Variants in RSF1 observed in about 807,000 individuals in gnomAD.
RSF1 encodes the protein HBV pX-associated protein 8.
In RSF1, 13 loss-of-function variants were observed where a neutral mutation model predicts 145.2. The observed-to-expected ratio is 0.09, with a 90% confidence interval of 0.06 to 0.14. The LOEUF is 0.14. Among genes scored for constraint, RSF1 ranks in the 10% least tolerant of loss-of-function variants. The pLI is 1.00. For missense variants in RSF1, 1,517 were observed against 1,718.2 expected (o/e 0.88, Z 2.07); for synonymous variants, 577 against 592.6 (o/e 0.97, Z 0.38).
At chr11:77,854,983 C>T in the RSF1 span, among the ~76,000 whole-genome samples, 1 of 152,226 alleles carries the variant, frequency 6.6e-6, no homozygotes, top group Admixed American at 6.5e-5. Flanking sequence ...ACTGGCTTAA[C>T]ACCTCATGGA....
intron 6 of RSF1, among the ~76,000 whole-genome samples, chr11:77,700,259 G>C (rs928409690): frequency 2.2e-5 from 3 of 138,146 alleles, no homozygotes; most frequent in South Asian, 2.3e-4. Flanking sequence ...ACTGAGGCAA[G>C]AGAATCGCTT....
chr11:77,738,124 G>A (rs1405879621), intron 4 of RSF1, among the ~76,000 whole-genome samples: 2 of 152,056 alleles, frequency 1.3e-5, no homozygotes, highest in African/African-American at 4.8e-5. Context: ...GTGAGACTCC[G>A]TCTCTAAAAA....
At chr11:77,839,714 C>G in the RSF1 span, among the ~76,000 whole-genome samples, 9 of 152,106 alleles carry the variant, frequency 5.9e-5, no homozygotes, top group Non-Finnish European at 7.4e-5. Flanking sequence ...CAGACTAACA[C>G]AGGAACAGAA....
chr11:77,746,558 A>G (rs1352559560), intron 3 of RSF1, among the ~76,000 whole-genome samples: 1 of 152,182 alleles, frequency 6.6e-6, no homozygotes, highest in African/African-American at 2.4e-5. Context: ...TAGGGCCAAC[A>G]GTAGGAAGTG....
the RSF1 span, chr11:77,869,320 T>TTTC: frequency 1.2e-5 from 2 of 165,732 alleles, no homozygotes; most frequent in African/African-American, 5.0e-5. Flanking sequence ...TTCTTTTTTT[T>TTTC]TTTTTTTTTT....
chr11:77,762,461 T>C (rs1948185844), intron 2 of RSF1: 1 of 152,224 alleles, frequency 6.6e-6, no homozygotes, highest in Non-Finnish European at 1.5e-5. Context: ...ATTGCTCAGT[T>C]GGATTATCAC....
intron 1 of RSF1, among the ~76,000 whole-genome samples, chr11:77,817,930 G>A (rs1206179827): frequency 6.6e-6 from 1 of 152,166 alleles, no homozygotes; most frequent in Admixed American, 6.5e-5. Flanking sequence ...CTTTGATGAT[G>A]ATATCATGGT....
intron 1 of RSF1, among the ~76,000 whole-genome samples, chr11:77,803,079 A>G (rs1948642246): frequency 6.6e-6 from 1 of 152,186 alleles, no homozygotes; most frequent in African/African-American, 2.4e-5. Context: ...ACCTATTGTG[A>G]GATTAGAGGG....
In RSF1 at chr11:77,667,183, C is replaced by T. The variant is rs902371487; in HGVS notation, c.4060G>A (p.Val1354Ile). Reference protein sequence around the residue: ...ESDEEEDFENVGKVGSPLDYS... With the variant: ...ESDEEEDFENIGKVGSPLDYS... ...TCCAATGGGCTCCCCACTTTGCCTA[C>T]ATTTTCAAAGTCCTCTTCCTCATCA... Residue 1354 changes from valine (V) to isoleucine (I), a missense_variant, in exon 16 of 16, where the codon GTA (valine) becomes ATA (isoleucine). This residue lies in a region of RSF1 where 240 missense variants were observed against 231.8 expected (regional missense o/e 1.04). Transcript: ENST00000308488. 6.2e-7 allele frequency: 1 copy of T among 1,614,218 alleles called. No homozygotes were observed. The highest frequency in any genetic ancestry group is 8.5e-7 in the Non-Finnish European group (1 of 1,180,034).
chr11:77,754,831 T>C lies in RSF1; in HGVS notation c.280-7703A>G, dbSNP rs562094906. Among the ~76,000 whole-genome samples the C allele has an allele frequency of 2.6e-4, 39 of 152,040 alleles. 1 individual carries two copies. The highest frequency in any genetic ancestry group is 2.5e-3 in the South Asian group (12 of 4,820). On this transcript the variant is annotated intron_variant, in intron 2 of 15. Transcript: ENST00000308488. The stretch of plus-strand genomic sequence containing the variant: ...TCATGTGTGTAGTCCCAGCCTGGTA[T>C]AGCGGTACACATCTATAATCCTAGC...
Position 77,698,539 on chromosome 11 carries a change from G to A in RSF1, c.2663C>T (p.Ala888Val), listed in dbSNP as rs1486468987. 6.2e-7 allele frequency: 1 copy of A among 1,614,098 alleles called. No individual in the cohort carries two copies. The highest frequency in any genetic ancestry group is 8.5e-7 in the Non-Finnish European group (1 of 1,179,992). The change falls in exon 7 of 16, where the codon GCA becomes GTA. Residue 888 changes from alanine to valine, a missense_variant. Physicochemically the swap from Ala to Val is moderately conservative, Grantham distance 64. This residue lies in a region of RSF1 where 24 missense variants were observed against 32.1 expected (regional missense o/e 0.75). Transcript: ENST00000308488. Reference sequence around the variant, plus strand: ...TTTTTTGCATGGTTCATCATCATCTGCTAGGATGGCTTCTTCACTTTCCTT... The same window carrying A: ...TTTTTTGCATGGTTCATCATCATCTACTAGGATGGCTTCTTCACTTTCCTT... ...EEKESEEAIL[A>V]DDDEPCKKCG...
At chr11:77,777,920 CATT>C (rs1262869415) in intron 1 of RSF1, among the ~76,000 whole-genome samples, 2 of 150,258 alleles carry the variant, frequency 1.3e-5, no homozygotes, top group Non-Finnish European at 3.0e-5. Context: ...AAAGAAGCAT[CATT>C]ATCTCAATAC....
At chr11:77,779,363 G>A (rs1948380006) in intron 1 of RSF1, among the ~76,000 whole-genome samples, 1 of 151,010 alleles carries the variant, frequency 6.6e-6, no homozygotes, top group African/African-American at 2.4e-5. Flanking sequence ...ACACCACTAT[G>A]CCTTGCTATT....
At chr11:77,871,668 A>T in the RSF1 span, among the ~76,000 whole-genome samples, 1 of 152,234 alleles carries the variant, frequency 6.6e-6, no homozygotes, top group African/African-American at 2.4e-5. Context: ...GGGAGACTTT[A>T]AAGAGCTAGC....
At chr11:77,732,485 G>A (rs565891349) in intron 4 of RSF1, among the ~76,000 whole-genome samples, 1 of 152,266 alleles carries the variant, frequency 6.6e-6, no homozygotes, top group East Asian at 1.9e-4. Context: ...AGATTTAGGA[G>A]GGGCCGGGGC....
intron 1 of RSF1, among the ~76,000 whole-genome samples, chr11:77,798,581 T>TAAAAAAAAAAAAAAAAAAAAAAAAAAAA (rs543236647): frequency 4.1e-5 from 1 of 24,462 alleles, no homozygotes; most frequent in African/African-American, 1.3e-4. Flanking sequence ...GACTCCATCT[T>TAAAAAAAAAAAAAAAAAAAAAAAAAAAA]AAAAAAAAAA....
chr11:77,863,651 T>A, the RSF1 span, among the ~76,000 whole-genome samples: 60,557 of 151,906 alleles, frequency 0.4, 12,647 homozygotes, highest in African/African-American at 0.51. Context: ...GGCCTCCCAA[T>A]GTGCTGGGAT....
intron 14 of RSF1, 72 bp downstream of exon 14, chr11:77,674,964 A>C: frequency 8.1e-7 from 1 of 1,234,524 alleles, no homozygotes; most frequent in East Asian, 2.4e-5. Flanking sequence ...GTGCCATTGC[A>C]CTCCAGCATG....
rs1959236528 is a variant in RSF1 at position 77,661,725 on chromosome 11, T to C, written c.*5192A>G. ...CCATCCCTTAAAAGCTGTACAGTTA[T>C]TTTTTTTAAAAAAAGGTGACTCTCA... On this transcript the variant is annotated 3_prime_UTR_variant, in exon 16 of 16. Coordinates refer to ENST00000308488, the MANE Select transcript of RSF1 (RefSeq NM_016578.4). The C allele has an allele frequency of 6.6e-6, 1 of 151,654 alleles. No individual in the cohort carries two copies. The highest frequency in any genetic ancestry group is 2.4e-5 in the African/African-American group (1 of 41,274). 9.4% of individuals were successfully genotyped at this position (151,654 alleles called of 1,614,324 possible).
Sources: allele counts gnomAD v4.1 joint callset (sites outside exome capture counted in the v4.1 genomes callset), GRCh38; gene constraint gnomAD v4.1.1; regional missense constraint gnomAD v4.1.1; transcripts MANE v1.5; gene names NCBI Gene and HGNC (gene_info 2026-07-23, HGNC 2026-07-21).